Variants in UNC79 observed in about 807,000 individuals in gnomAD.
The protein encoded by UNC79 is protein unc-79 homolog.
A neutral mutation model predicts 283.1 loss-of-function variants in UNC79; 37 were observed. That is an observed-to-expected ratio of 0.13 (90% confidence interval 0.10 to 0.17). The LOEUF is 0.17. UNC79 is among the 10% of genes least tolerant of loss of function. The probability of loss-of-function intolerance (pLI) is 1.00; values close to 1 mark genes in which losing one functional copy is unlikely to be tolerated. For missense variants in UNC79, 2,272 were observed against 3,211.1 expected (o/e 0.71, Z 7.07); for synonymous variants, 1,107 against 1,200.2 (o/e 0.92, Z 1.61).
At chr14:93,587,293 A>C (rs1194946151) in intron 22 of UNC79, among the ~76,000 whole-genome samples, 2 of 152,180 alleles carry the variant, frequency 1.3e-5, no homozygotes, top group Non-Finnish European at 2.9e-5. Context: ...AGATGTCTAA[A>C]TCTCTCCATA....
chr14:93,439,802 G>T (rs148775734), intron 1 of UNC79, among the ~76,000 whole-genome samples: 2 of 151,926 alleles, frequency 1.3e-5, no homozygotes, highest in African/African-American at 2.4e-5. Context: ...TAGACTTTCT[G>T]TTTCTACTGG....
intron 7 of UNC79, among the ~76,000 whole-genome samples, chr14:93,510,470 C>T (rs562760170): frequency 6.6e-6 from 1 of 152,314 alleles, no homozygotes; most frequent in African/African-American, 2.4e-5. Flanking sequence ...AATCTCTTTG[C>T]TTATGAATGT....
chr14:93,356,120 C>A (rs890169756), intron 1 of UNC79, among the ~76,000 whole-genome samples: 1 of 151,600 alleles, frequency 6.6e-6, no homozygotes, highest in African/African-American at 2.4e-5. Context: ...CTCCGCCTCC[C>A]GGGTTCAAGC....
intron 12 of UNC79, among the ~76,000 whole-genome samples, chr14:93,539,839 G>T (rs1431707555): frequency 6.6e-6 from 1 of 152,032 alleles, no homozygotes; most frequent in East Asian, 1.9e-4. Flanking sequence ...TCTCCACGTC[G>T]TTGCATGGTT....
intron 32 of UNC79, among the ~76,000 whole-genome samples, chr14:93,638,167 C>T: frequency 6.6e-6 from 1 of 152,232 alleles, no homozygotes; most frequent in East Asian, 1.9e-4. Context: ...ATAATCCCAT[C>T]TCACAACTAG....
intron 7 of UNC79, among the ~76,000 whole-genome samples, chr14:93,515,674 G>A (rs1013708292): frequency 6.6e-6 from 1 of 151,886 alleles, no homozygotes; most frequent in African/African-American, 2.4e-5. Context: ...TCTCAGGTTT[G>A]CTTACCCTTT....
At chr14:93,635,684 C>T (rs2068451557) in intron 31 of UNC79, among the ~76,000 whole-genome samples, 1 of 152,196 alleles carries the variant, frequency 6.6e-6, no homozygotes, top group African/African-American at 2.4e-5. Flanking sequence ...CATACCCAAT[C>T]TCACATTTAA....
intron 7 of UNC79, among the ~76,000 whole-genome samples, chr14:93,503,760 TA>T (rs1414706368): frequency 2.6e-5 from 4 of 151,224 alleles, no homozygotes; most frequent in Non-Finnish European, 5.9e-5. Flanking sequence ...ATTTTCTGAA[TA>T]ATGTCTTATC....
At chr14:93,511,572 C>G (rs1171411635) in intron 7 of UNC79, among the ~76,000 whole-genome samples, 2 of 152,042 alleles carry the variant, frequency 1.3e-5, no homozygotes, top group South Asian at 4.1e-4. Flanking sequence ...CTCAGCCTCC[C>G]GAGTAGCTGG....
intron 27 of UNC79, among the ~76,000 whole-genome samples, chr14:93,616,879 T>C (rs1271731898): frequency 6.6e-6 from 1 of 152,210 alleles, no homozygotes; most frequent in East Asian, 1.9e-4. Flanking sequence ...TTTCAATAGG[T>C]ACTGAAACAA....
chr14:93,479,289 G>A (rs76248974), intron 4 of UNC79, among the ~76,000 whole-genome samples: 44,922 of 130,848 alleles, frequency 0.34, 7,187 homozygotes, highest in East Asian at 0.67. Flanking sequence ...TCCTCCCTTC[G>A]TCCCTTCTTT....
intron 1 of UNC79, among the ~76,000 whole-genome samples, chr14:93,389,592 G>A (rs1459215171): frequency 2.6e-5 from 4 of 151,922 alleles, no homozygotes; most frequent in Admixed American, 2.0e-4. Context: ...AAAAATGGGA[G>A]GGCCTTACAC....
chr14:93,374,228 G>A (rs187656211), intron 1 of UNC79, among the ~76,000 whole-genome samples: 404 of 152,234 alleles, frequency 2.7e-3, no homozygotes, highest in African/African-American at 9.2e-3. Context: ...CCGGCAACAT[G>A]CAACATCCAC....
chr14:93,558,593 A>ATTTTTTTTT (rs71129647), intron 14 of UNC79, among the ~76,000 whole-genome samples: 7 of 62,778 alleles, frequency 1.1e-4, no homozygotes, highest in African/African-American at 3.7e-4. Context: ...AGAAACAGGG[A>ATTTTTTTTT]TTTTTTTTTT....
chr14:93,556,398 A>C (rs1349164143), intron 14 of UNC79, among the ~76,000 whole-genome samples: 4 of 152,244 alleles, frequency 2.6e-5, no homozygotes, highest in African/African-American at 9.6e-5. Flanking sequence ...AACATTTCTA[A>C]GTAATGCAAA....
rs143742111 is a variant in UNC79, at chr14:93,505,862, T to C, written c.898+8576T>C. On this transcript the variant is annotated intron_variant, in intron 7 of 48. Coordinates refer to ENST00000555664, the Ensembl canonical transcript of UNC79. ...GAGATTATATCATGCATTCTTGACTTATCAGTGTCCAGTATAAAGTAGTAC... is the reference window on the plus strand; with the variant it reads ...GAGATTATATCATGCATTCTTGACTCATCAGTGTCCAGTATAAAGTAGTAC... Among the ~76,000 whole-genome samples the C allele has an allele frequency of 2.5e-4, 38 of 152,080 alleles. 1 individual carries two copies. The East Asian group carries it at 7.1e-3, about 29-fold the overall frequency.
chr14:93,414,878 G>T (rs975920223), intron 1 of UNC79, among the ~76,000 whole-genome samples: 1 of 152,164 alleles, frequency 6.6e-6, no homozygotes, highest in African/African-American at 2.4e-5. Flanking sequence ...TTTGTATCCT[G>T]AGACTTTGCT....
At chr14:93,379,074 A>C (rs1013652025) in intron 1 of UNC79, among the ~76,000 whole-genome samples, 1 of 152,252 alleles carries the variant, frequency 6.6e-6, no homozygotes, top group African/African-American at 2.4e-5. Context: ...AGCTGAGCAA[A>C]AGAGTGGGGA....
At chr14:93,622,943 A>G in intron 30 of UNC79, 102 bp downstream of exon 32, 7 of 1,439,954 alleles carry the variant, frequency 4.9e-6, no homozygotes, top group African/African-American at 1.4e-5. Flanking sequence ...AAACTCTTAT[A>G]ATGTCAGGGT....
Sources: allele counts gnomAD v4.1 joint callset (sites outside exome capture counted in the v4.1 genomes callset), GRCh38; gene constraint gnomAD v4.1.1; transcripts MANE v1.5; gene names NCBI Gene and HGNC (gene_info 2026-07-23, HGNC 2026-07-21).